The following PLCE1 variants were observed in gnomAD, a reference collection of about 807,000 sequenced individuals.
PLCE1 encodes the protein 1-phosphatidylinositol 4,5-bisphosphate phosphodiesterase epsilon-1.
Under a neutral mutation model 242.8 loss-of-function variants are expected in PLCE1, and 119 were observed. The observed-to-expected ratio is 0.49, with a 90% CI of 0.42 to 0.57. The LOEUF (loss-of-function observed/expected upper bound fraction) is 0.57, where lower values mean the gene tolerates loss of function less well. Among genes scored for constraint, PLCE1 ranks in the 20% least tolerant of loss-of-function variants. The pLI, the probability that PLCE1 is intolerant of heterozygous loss-of-function variation, is 0.00. For missense variants in PLCE1, 2,441 were observed against 2,788.8 expected, an observed-to-expected ratio of 0.88 and a Z score of 2.81; for synonymous variants, 945 against 1,017.4, an observed-to-expected ratio of 0.93 and a Z score of 1.35.
chr10:94,208,557 C>A (rs2049237364), intron 4 of PLCE1, among the ~76,000 whole-genome samples: 1 of 152,208 alleles, frequency 6.6e-6, no homozygotes, highest in South Asian at 2.1e-4. Context: ...CCCACTGAAT[C>A]ATAATCTGCA....
At chr10:94,103,529 T>C (rs79322286) in intron 2 of PLCE1, among the ~76,000 whole-genome samples, 8,464 of 152,304 alleles carry the variant, frequency 0.056, 803 homozygotes, top group African/African-American at 0.19. Context: ...ACATCAGTGC[T>C]ATGTTTCAGT....
chr10:94,126,138 G>A (rs2046429360), intron 2 of PLCE1, among the ~76,000 whole-genome samples: 1 of 152,156 alleles, frequency 6.6e-6, no homozygotes, highest in Non-Finnish European at 1.5e-5. Context: ...TGTTATCTAA[G>A]CATTGCTTGC....
chr10:94,005,779 G>A (rs955778097), intron 1 of PLCE1, among the ~76,000 whole-genome samples: 2 of 152,172 alleles, frequency 1.3e-5, no homozygotes, highest in Non-Finnish European at 2.9e-5. Context: ...TCACCTGATT[G>A]AGTCTGTGGT....
At chr10:94,059,496 G>C (rs1236713150) in intron 2 of PLCE1, among the ~76,000 whole-genome samples, 4 of 152,076 alleles carry the variant, frequency 2.6e-5, no homozygotes, top group South Asian at 4.2e-4. Context: ...ATACGGGGAG[G>C]GGGTGTGTGT....
Position 94,324,550 on chromosome 10 carries a change from C to A in PLCE1, c.6703C>A (p.Leu2235Ile). 2 of 1,613,574 alleles carry A rather than the reference C, an allele frequency of 1.2e-6. No individual in the cohort carries two copies. Among genetic ancestry groups the A allele is most frequent in the Non-Finnish European group, 1.7e-6 (2 of 1,179,500 alleles). The change falls in exon 31 of 33, where the codon CTA becomes ATA. Residue 2235 changes from leucine to isoleucine, a missense_variant. Physicochemically the swap from Leu to Ile is conservative, Grantham distance 5. Coordinates refer to ENST00000371380, the MANE Select transcript of PLCE1 (RefSeq NM_016341.4). ...AGGTGCAGGAAAATTCATCCTTAAG[C>A]TAAAGGAGCAGGTGCAGGTAAAGTT... ...WKGAGKFILK[L>I]KEQVQASRED...
intron 2 of PLCE1, among the ~76,000 whole-genome samples, chr10:94,090,020 T>G (rs2045000747): frequency 6.6e-6 from 1 of 152,190 alleles, no homozygotes; most frequent in African/African-American, 2.4e-5. Flanking sequence ...TCCATAGTTT[T>G]GGGAAAGGTA....
chr10:94,313,673 C>T (rs978344869), intron 28 of PLCE1, among the ~76,000 whole-genome samples: 4 of 152,240 alleles, frequency 2.6e-5, no homozygotes, highest in South Asian at 2.1e-4. Flanking sequence ...TGATAAAGAC[C>T]GGAATGAGTG....
At chr10:94,146,753 A>G (rs946256138) in intron 3 of PLCE1, among the ~76,000 whole-genome samples, 1 of 152,176 alleles carries the variant, frequency 6.6e-6, no homozygotes, top group Non-Finnish European at 1.5e-5. Context: ...ATGGGGCTTT[A>G]TCTGTGCTTT....
chr10:94,260,474 A>G (rs2051258042), intron 13 of PLCE1, among the ~76,000 whole-genome samples: 1 of 152,158 alleles, frequency 6.6e-6, no homozygotes, highest in South Asian at 2.1e-4. Flanking sequence ...CAGTTGCTTC[A>G]TAATTATTTA....
intron 2 of PLCE1, among the ~76,000 whole-genome samples, chr10:94,045,896 C>T (rs952155127): frequency 6.6e-6 from 1 of 151,746 alleles, no homozygotes; most frequent in Non-Finnish European, 1.5e-5. Flanking sequence ...GTCAGGAGAT[C>T]GAGACCATCC....
intron 2 of PLCE1, chr10:94,104,871 A>G (rs1453228576): frequency 1.3e-5 from 2 of 152,212 alleles, no homozygotes; most frequent in Non-Finnish European, 2.9e-5. Context: ...ATGGAATGAA[A>G]TTATCTGAGT....
intron 14 of PLCE1, among the ~76,000 whole-genome samples, chr10:94,264,173 T>G (rs2051417087): frequency 1.3e-5 from 2 of 151,940 alleles, no homozygotes. Flanking sequence ...ATACAGGAGG[T>G]GGGCTGAGGA....
chr10:94,162,161 C>A (rs1374429119), intron 3 of PLCE1, among the ~76,000 whole-genome samples: 2 of 152,166 alleles, frequency 1.3e-5, no homozygotes, highest in Non-Finnish European at 2.9e-5. Context: ...CAGGATGATG[C>A]TGGTCTCATA....
intron 8 of PLCE1, among the ~76,000 whole-genome samples, chr10:94,249,633 T>C (rs2050805732): frequency 6.6e-6 from 1 of 152,186 alleles, no homozygotes; most frequent in Non-Finnish European, 1.5e-5. Context: ...CTACAAGTAT[T>C]TGAGTACTAC....
intron 23 of PLCE1, among the ~76,000 whole-genome samples, chr10:94,294,062 G>A (rs112006371): frequency 0.041 from 6,285 of 152,120 alleles, 423 homozygotes; most frequent in African/African-American, 0.14. Flanking sequence ...AGCTGAGATC[G>A]CACCACTGTA....
rs117379089 is a variant in PLCE1, at chr10:94,034,632, C to G, written c.1206+2380C>G. On this transcript the variant is annotated intron_variant, in intron 2 of 32. Transcript: ENST00000371380. ...GATTGAGTGACCCCATTCATTGATG[C>G]TCACGGTATCTCAGACTTGGCCATG... Among the ~76,000 whole-genome samples, 248 of 152,242 alleles carry G rather than the reference C, an allele frequency of 1.6e-3. 1 individual carries two copies. Among genetic ancestry groups the G allele is most frequent in the Non-Finnish European group, 3.0e-3 (203 of 68,020 alleles).
chr10:94,116,421 A>G (rs2046131032), intron 2 of PLCE1, among the ~76,000 whole-genome samples: 1 of 152,222 alleles, frequency 6.6e-6, no homozygotes, highest in Admixed American at 6.5e-5. Context: ...ATGGCAGGGC[A>G]TGGTGGCTCA....
At chr10:94,076,354 C>T (rs899328452) in intron 2 of PLCE1, among the ~76,000 whole-genome samples, 8 of 152,126 alleles carry the variant, frequency 5.3e-5, no homozygotes, top group Admixed American at 2.6e-4. Context: ...TGATTGACAC[C>T]TCAAGATGTT....
intron 2 of PLCE1, among the ~76,000 whole-genome samples, chr10:94,067,794 C>T (rs918356352): frequency 6.6e-6 from 1 of 152,178 alleles, no homozygotes; most frequent in Non-Finnish European, 1.5e-5. Context: ...CTTCCTCCTT[C>T]TGAACCTGGG....
Sources: allele counts gnomAD v4.1 joint callset (sites outside exome capture counted in the v4.1 genomes callset), GRCh38; gene constraint gnomAD v4.1.1; transcripts MANE v1.5; gene names NCBI Gene and HGNC (gene_info 2026-07-23, HGNC 2026-07-21).